RABGEF1: variants seen among roughly 807,000 people sequenced by gnomAD.
RABGEF1 encodes RAB guanine nucleotide exchange factor 1, also known as rab5 GDP/GTP exchange factor.
Under a neutral mutation model 57.3 loss-of-function variants are expected in RABGEF1, and 26 were observed. That is an observed-to-expected ratio of 0.45 (90% CI 0.33 to 0.63). The LOEUF (loss-of-function observed/expected upper bound fraction) is 0.63, where lower values mean the gene tolerates loss of function less well. RABGEF1 is among the 20% of genes least tolerant of loss of function. The pLI is 0.02. For missense variants in RABGEF1, 464 were observed against 607.6 expected (o/e 0.76, Z 2.48); for synonymous variants, 185 against 210.7 (o/e 0.88, Z 1.06).
intron 1 of RABGEF1, among the ~76,000 whole-genome samples, chr7:66,705,340 G>A (rs1183835969): frequency 6.6e-6 from 1 of 151,852 alleles, no homozygotes; most frequent in African/African-American, 2.4e-5. Context: ...GGGAGGCTGA[G>A]GCAGGAGAAT....
At chr7:66,746,565 A>G (rs1244945147) in intron 1 of RABGEF1, among the ~76,000 whole-genome samples, 1 of 150,348 alleles carries the variant, frequency 6.7e-6, no homozygotes, top group Non-Finnish European at 1.5e-5. Context: ...CTGCGATTAC[A>G]GGCGTGAGCC....
chr7:66,701,376 C>A (rs1793234799), intron 1 of RABGEF1, among the ~76,000 whole-genome samples: 1 of 152,082 alleles, frequency 6.6e-6, no homozygotes, highest in Admixed American at 6.6e-5. Context: ...GTGGCGCACA[C>A]CAGTAGCCCC....
rs558809945 is a variant in RABGEF1, at chr7:66,702,480, G to A, written c.-872-9687G>A. Among the ~76,000 whole-genome samples, 87 of 151,740 alleles carry A rather than the reference G, an allele frequency of 5.7e-4. 2 individuals are homozygous for A. The highest frequency in any genetic ancestry group is 3.4e-3 in the Middle Eastern group (1 of 294). ...GTTTTTGTGTGAACTCATGTTTTCA[G>A]TTCTCTTGGGTATATATCTAGGAGT... On this transcript the variant is annotated intron_variant and NMD_transcript_variant, in intron 1 of 9. Coordinates refer to the RABGEF1 transcript ENST00000607882.
Position 66,690,624 on chromosome 7 carries a change from A to G in RABGEF1, c.-873+8366A>G, listed in dbSNP as rs1791378727. Among the ~76,000 whole-genome samples the G allele has an allele frequency of 2.0e-5, 3 of 151,284 alleles. No homozygotes were observed. In the East Asian group the frequency reaches 6.0e-4, roughly 30 times the overall value. Reference sequence around the variant, plus strand: ...CAGCTACTTGGGAGGCTGAGGTGAAAGGATCTGGGAAGTTGAGGCTGCAGT... The same window carrying G: ...CAGCTACTTGGGAGGCTGAGGTGAAGGGATCTGGGAAGTTGAGGCTGCAGT... On this transcript the variant is annotated intron_variant and NMD_transcript_variant, in intron 1 of 9. Coordinates refer to the RABGEF1 transcript ENST00000607882.
intron 1 of RABGEF1, among the ~76,000 whole-genome samples, chr7:66,761,406 G>A (rs1804316687): frequency 6.6e-6 from 1 of 152,194 alleles, no homozygotes; most frequent in African/African-American, 2.4e-5. Context: ...ACAGAACTCA[G>A]GGAGATGCTT....
At chr7:66,703,152 G>C (rs1480578242) in intron 1 of RABGEF1, among the ~76,000 whole-genome samples, 25 of 151,854 alleles carry the variant, frequency 1.6e-4, no homozygotes, top group Non-Finnish European at 5.9e-5. Flanking sequence ...TTTTTTTGTA[G>C]TTTTTAGTAG....
the RABGEF1 span, chr7:66,669,773 G>A: frequency 1.3e-5 from 2 of 152,258 alleles, no homozygotes; most frequent in Admixed American, 1.3e-4. Context: ...CCCGTCTCGG[G>A]AAATGGCACC....
At chr7:66,739,986 T>A (rs1170324027), upstream of RABGEF1, 1 of 152,244 alleles carries the variant, frequency 6.6e-6, no homozygotes, top group African/African-American at 2.4e-5. Context: ...TTATGTTTTT[T>A]TTGAGACAGG....
chr7:66,672,388 T>C, the RABGEF1 span, among the ~76,000 whole-genome samples: 630 of 152,188 alleles, frequency 4.1e-3, 4 homozygotes, highest in African/African-American at 0.014. Context: ...GCCGAGATCG[T>C]GCCACTGCAC....
chr7:66,686,947 G>A (rs867282999), intron 1 of RABGEF1, among the ~76,000 whole-genome samples: 4 of 149,920 alleles, frequency 2.7e-5, no homozygotes, highest in African/African-American at 9.8e-5. Flanking sequence ...TCAGCCTCCC[G>A]AGTAGCTGGG....
chr7:66,655,418 T>C, the RABGEF1 span, among the ~76,000 whole-genome samples: 1 of 152,100 alleles, frequency 6.6e-6, no homozygotes, highest in Admixed American at 6.5e-5. Context: ...CGTGGACTCG[T>C]TTTGCCTTTG....
In RABGEF1 at chr7:66,809,236, A is replaced by G. The variant is rs943605242; in HGVS notation, c.1428A>G (p.Glu476=). 3 of 1,612,614 alleles carry G rather than the reference A, an allele frequency of 1.9e-6. No individual in the cohort carries two copies. The highest frequency in any genetic ancestry group is 1.1e-5 in the South Asian group (1 of 90,858). Residue 476 remains glutamate (E), a synonymous_variant, in exon 9 of 9, where the codon GAA becomes GAG. Transcript: ENST00000284957. The part of the protein sequence containing the change: ...PLAAIDSENV[E]NDKLPPPLQP... ...CAGCTATTGACTCTGAAAACGTTGA[A>G]AATGATAAACTTCCTCCACCACTGC...
At chr7:66,692,180 A>G (rs1791617635) in intron 1 of RABGEF1, among the ~76,000 whole-genome samples, 1 of 152,368 alleles carries the variant, frequency 6.6e-6, no homozygotes, top group Middle Eastern at 3.4e-3. Flanking sequence ...CATACTGAAC[A>G]ATCTGCATTG....
At chr7:66,724,145 C>A (rs1298061346) in intron 2 of RABGEF1, among the ~76,000 whole-genome samples, 2 of 151,956 alleles carry the variant, frequency 1.3e-5, no homozygotes, top group Non-Finnish European at 2.9e-5. Context: ...AGGTTAACAG[C>A]TTTTTCCCCC....
upstream of RABGEF1, among the ~76,000 whole-genome samples, chr7:66,677,925 C>A (rs1172380982): frequency 3.3e-5 from 5 of 151,686 alleles, no homozygotes; most frequent in African/African-American, 7.3e-5. Flanking sequence ...ATTAGCCAGG[C>A]GTGGTGGCGT....
rs554384993 is a variant in RABGEF1, at chr7:66,787,200, CT to C, written c.513+3373del. Among the ~76,000 whole-genome samples, 966 of 140,316 alleles carry C rather than the reference CT, an allele frequency of 6.9e-3. 7 individuals are homozygous for C. The highest frequency in any genetic ancestry group is 0.035 in the South Asian group (154 of 4,396). 92.1% of individuals were successfully genotyped at this position (140,316 alleles called of 152,430 possible). On this transcript the variant is annotated intron_variant, in intron 4 of 8. Transcript: ENST00000284957. Reference sequence around the variant, plus strand: ...TGCCACCATGCCCAGATAATTTTTACTTTTTTTTTTTTTTGTAGACACAGGA... The same window carrying C: ...TGCCACCATGCCCAGATAATTTTTACTTTTTTTTTTTTTGTAGACACAGGA...
At chr7:66,692,698 A>T (rs545701830) in intron 1 of RABGEF1, among the ~76,000 whole-genome samples, 38 of 149,156 alleles carry the variant, frequency 2.5e-4, no homozygotes, top group African/African-American at 9.0e-4. Context: ...CTCCCACCTA[A>T]AGCTCCCACC....
rs910719026 is a variant in RABGEF1, at chr7:66,810,010, T to C, written c.*726T>C. On this transcript the variant is annotated 3_prime_UTR_variant, in exon 9 of 9. Coordinates refer to ENST00000284957, the MANE Select transcript of RABGEF1 (RefSeq NM_014504.3). ...GGCCACATAAAATTGCTGTTTAATG[T>C]AGTCGATGGAAGACTTTAAACTATG... 1 of 152,348 alleles carries C rather than the reference T, an allele frequency of 6.6e-6. No homozygotes were observed. Among genetic ancestry groups the C allele is most frequent in the Non-Finnish European group, 1.5e-5 (1 of 68,040 alleles). The allele number at this position is 152,348 out of a possible 1,614,324, so 9.4% of individuals were successfully genotyped here.
At chr7:66,748,326 A>T (rs570725958) in intron 1 of RABGEF1, among the ~76,000 whole-genome samples, 17 of 152,284 alleles carry the variant, frequency 1.1e-4, no homozygotes, top group African/African-American at 3.8e-4. Context: ...GATTATCTAG[A>T]TGAGTAGGTG....
Sources: allele counts gnomAD v4.1 joint callset (sites outside exome capture counted in the v4.1 genomes callset), GRCh38; gene constraint gnomAD v4.1.1; transcripts MANE v1.5; gene names NCBI Gene and HGNC (gene_info 2026-07-23, HGNC 2026-07-21).